FGFR2: variants seen among roughly 807,000 people sequenced by gnomAD.
FGFR2 encodes BEK fibroblast growth factor receptor.
FGFR2 carries 19 observed loss-of-function variants against 95.9 expected under a neutral mutation model. That is an observed-to-expected ratio of 0.20 (90% CI 0.14 to 0.29). The LOEUF is 0.29. FGFR2 is among the 10% of genes least tolerant of loss of function. FGFR2 has a pLI of 1.00. For synonymous variants in FGFR2, 392 were observed against 393.3 expected, an observed-to-expected ratio of 1.00 and a Z score of 0.04; for missense variants, 707 against 1,056.9, an observed-to-expected ratio of 0.67 and a Z score of 4.59.
chr10:121,494,193 A>G (rs1213738602), intron 13 of FGFR2, among the ~76,000 whole-genome samples: 2 of 152,086 alleles, frequency 1.3e-5, no homozygotes, highest in African/African-American at 2.4e-5. Flanking sequence ...GCGTCCTGGC[A>G]TGAGTAAGGC....
intron 6 of FGFR2, among the ~76,000 whole-genome samples, chr10:121,520,757 C>T (rs143899055): frequency 6.6e-6 from 1 of 152,316 alleles, no homozygotes; most frequent in African/African-American, 2.4e-5. Flanking sequence ...ATTCTCCAAC[C>T]TCAGCCTCCT....
rs138076288 is a variant in FGFR2, at chr10:121,569,925, T to C, written c.110-4221A>G. 5.1e-3 allele frequency among the ~76,000 whole-genome samples: 783 copies of C among 152,240 alleles called. 6 individuals are homozygous for C. Among genetic ancestry groups the C allele is most frequent in the African/African-American group, 0.017 (687 of 41,538 alleles). Reference sequence around the variant, plus strand: ...CTCTGCAAGCACATGTTAGGGAGAATGCATGAATAAACACACAAGAGAGAA... The same window carrying C: ...CTCTGCAAGCACATGTTAGGGAGAACGCATGAATAAACACACAAGAGAGAA... On this transcript the variant is annotated intron_variant, in intron 2 of 17. Coordinates refer to ENST00000358487, the MANE Select transcript of FGFR2 (RefSeq NM_000141.5).
intron 13 of FGFR2, among the ~76,000 whole-genome samples, chr10:121,488,339 G>A (rs776577361): frequency 6.6e-6 from 1 of 151,918 alleles, no homozygotes; most frequent in African/African-American, 2.4e-5. Flanking sequence ...TCAGTAGTTC[G>A]AGACCAGCCT....
chr10:121,507,306 G>C (rs1013294220), intron 9 of FGFR2, among the ~76,000 whole-genome samples: 1 of 152,178 alleles, frequency 6.6e-6, no homozygotes, highest in Non-Finnish European at 1.5e-5. Flanking sequence ...ACAAGACAGG[G>C]GCCAGGCAGA....
intron 11 of FGFR2, among the ~76,000 whole-genome samples, chr10:121,498,972 G>A (rs1847240523): frequency 6.6e-6 from 1 of 152,168 alleles, no homozygotes; most frequent in South Asian, 2.1e-4. Flanking sequence ...AGGAGACCGA[G>A]GGTAGGGCCA....
intron 4 of FGFR2, among the ~76,000 whole-genome samples, chr10:121,563,416 A>C (rs962332115): frequency 1.1e-4 from 16 of 152,164 alleles, no homozygotes; most frequent in African/African-American, 3.9e-4. Context: ...CGGGTGTGGT[A>C]TATTACTTAG....
At chr10:121,495,389 A>G (rs1846656229) in intron 13 of FGFR2, among the ~76,000 whole-genome samples, 1 of 152,194 alleles carries the variant, frequency 6.6e-6, no homozygotes, top group Admixed American at 6.5e-5. Flanking sequence ...TTAGCCAGGC[A>G]TGGTGGCACA....
At chr10:121,576,592 T>C (rs1335489319) in intron 2 of FGFR2, among the ~76,000 whole-genome samples, 1 of 152,132 alleles carries the variant, frequency 6.6e-6, no homozygotes, top group East Asian at 1.9e-4. Context: ...GAGTTGTCAC[T>C]CTGTAAAATG....
intron 13 of FGFR2, among the ~76,000 whole-genome samples, chr10:121,493,688 C>T (rs1055074105): frequency 1.2e-4 from 18 of 152,222 alleles, no homozygotes; most frequent in Non-Finnish European, 2.4e-4. Flanking sequence ...TTTGTCCACG[C>T]CCATGGCTTG....
chr10:121,558,105 G>A (rs1856430370), intron 4 of FGFR2, among the ~76,000 whole-genome samples: 1 of 152,066 alleles, frequency 6.6e-6, no homozygotes, highest in African/African-American at 2.4e-5. Context: ...TAAGTCTCAA[G>A]CTCTTCAGAA....
rs1173726351 is a variant in FGFR2 at position 121,496,636 on chromosome 10, A to C, written c.1759T>G (p.Ser587Ala). The C allele has an allele frequency of 1.2e-6, 2 of 1,612,446 alleles. No homozygotes were observed. The highest frequency in any genetic ancestry group is 2.2e-5 in the South Asian group (2 of 91,002). The change falls in exon 13 of 18, where the codon TCC (serine) becomes GCC (alanine). Residue 587 changes from serine to alanine, a missense_variant. Transcript: ENST00000358487. ...RARRPPGMEY[S>A]YDINRVPEEQ... is the part of the protein sequence containing the mutation. Reference sequence around the variant, plus strand: ...TCAGGAACACGGTTAATGTCATAGGAGTACTCCATCCCGGGTGGCCTCCGG... The same window carrying C: ...TCAGGAACACGGTTAATGTCATAGGCGTACTCCATCCCGGGTGGCCTCCGG...
chr10:121,512,105 A>T (rs1245835935), intron 9 of FGFR2, among the ~76,000 whole-genome samples: 1 of 152,198 alleles, frequency 6.6e-6, no homozygotes, highest in Non-Finnish European at 1.5e-5. Flanking sequence ...GAGACTGGCC[A>T]ACACAGAATA....
In FGFR2 at chr10:121,503,800, G is replaced by C. The variant is rs752644307; in HGVS notation, c.1429C>G (p.Pro477Ala). The change falls in exon 10 of 18, where the codon CCA (proline) becomes GCA (alanine). Residue 477 changes from proline to alanine, a missense_variant. This residue lies in a region of FGFR2 where 194 missense variants were observed against 267.3 expected (regional missense o/e 0.73). Transcript: ENST00000358487. ...AAGAGAAGTACTCACTTATCTCTTG[G>C]AAACTCCCATTTTGGGTCCTCTGGA... ...ELPEDPKWEFPRDKLTLGKPL... is the reference protein window; with the variant it reads ...ELPEDPKWEFARDKLTLGKPL... 7 of 1,613,960 alleles carry C rather than the reference G, an allele frequency of 4.3e-6. No individual in the cohort carries two copies. Among genetic ancestry groups the C allele is most frequent in the Non-Finnish European group, 5.1e-6 (6 of 1,180,016 alleles).
chr10:121,524,754 G>A (rs1341595595), intron 6 of FGFR2, among the ~76,000 whole-genome samples: 2 of 152,204 alleles, frequency 1.3e-5, no homozygotes, highest in Non-Finnish European at 2.9e-5. Context: ...GGCCCCCTTC[G>A]TGGCCTGGCC....
intron 13 of FGFR2, among the ~76,000 whole-genome samples, chr10:121,495,207 T>C (rs1564872526): frequency 6.6e-6 from 1 of 152,130 alleles, no homozygotes; most frequent in Non-Finnish European, 1.5e-5. Context: ...CAAAACTGTG[T>C]TTAATTAGTT....
intron 3 of FGFR2, 29 bp from the exon 4 acceptor site, chr10:121,564,608 T>C (rs773438764): frequency 5.6e-6 from 9 of 1,604,344 alleles, no homozygotes; most frequent in Non-Finnish European, 6.8e-6. Flanking sequence ...ATTCCATGGA[T>C]GTGTTTTTTG....
intron 2 of FGFR2, among the ~76,000 whole-genome samples, chr10:121,583,066 GGAA>G (rs1861192681): frequency 6.6e-6 from 1 of 152,152 alleles, no homozygotes; most frequent in Admixed American, 6.5e-5. Flanking sequence ...GGCCAAGACT[GGAA>G]GAAGAGTAGG....
intron 2 of FGFR2, among the ~76,000 whole-genome samples, chr10:121,580,184 T>A (rs541040075): frequency 3.3e-5 from 5 of 152,176 alleles, no homozygotes; most frequent in African/African-American, 1.2e-4. Context: ...AGGTTAAGAG[T>A]TATTCCAGGA....
intron 2 of FGFR2, chr10:121,566,028 A>C (rs917329360): frequency 1.1e-5 from 5 of 436,216 alleles, no homozygotes; most frequent in African/African-American, 2.0e-5. Context: ...TTGCACTGTA[A>C]TACCTGCAAA....
Sources: allele counts gnomAD v4.1 joint callset (sites outside exome capture counted in the v4.1 genomes callset), GRCh38; gene constraint gnomAD v4.1.1; regional missense constraint gnomAD v4.1.1; transcripts MANE v1.5; gene names NCBI Gene and HGNC (gene_info 2026-07-23, HGNC 2026-07-21).